ATP6V1H: variants seen among roughly 807,000 people sequenced by gnomAD.
ATP6V1H encodes V-type proton ATPase subunit H.
In ATP6V1H, 39 loss-of-function variants were observed where a neutral mutation model predicts 71.7. That is an observed-to-expected ratio of 0.54 (90% CI 0.42 to 0.71). The LOEUF (loss-of-function observed/expected upper bound fraction) is 0.71. Among genes scored for constraint, ATP6V1H ranks in the 30% least tolerant of loss-of-function variants. The probability of loss-of-function intolerance (pLI) is 0.00; values close to 1 mark genes in which losing one functional copy is unlikely to be tolerated. For missense variants in ATP6V1H, 509 were observed against 594.9 expected, an observed-to-expected ratio of 0.86 and a Z score of 1.50; for synonymous variants, 192 against 199.3, an observed-to-expected ratio of 0.96 and a Z score of 0.31.
At chr8:53,779,855 AC>A (rs1809038084) in intron 9 of ATP6V1H, among the ~76,000 whole-genome samples, 1 of 152,108 alleles carries the variant, frequency 6.6e-6, no homozygotes, top group South Asian at 2.1e-4. Context: ...AGAGAATTAA[AC>A]TCCATCTTTA....
chr8:53,740,107 T>C (rs553610633), intron 13 of ATP6V1H, among the ~76,000 whole-genome samples: 1 of 152,344 alleles, frequency 6.6e-6, no homozygotes, highest in African/African-American at 2.4e-5. Context: ...CCATACTCCA[T>C]ATGATATAAA....
At chr8:53,782,297 G>A (rs540841162) in intron 9 of ATP6V1H, among the ~76,000 whole-genome samples, 332 of 151,838 alleles carry the variant, frequency 2.2e-3, no homozygotes, top group African/African-American at 7.6e-3. Flanking sequence ...TATTCTCTTT[G>A]AAGCAATTGT....
Position 53,777,387 on chromosome 8 carries a change from C to G in ATP6V1H, c.871-5220G>C, listed in dbSNP as rs568452392. On this transcript the variant is annotated intron_variant, in intron 9 of 13. Coordinates refer to ENST00000359530, the MANE Select transcript of ATP6V1H (RefSeq NM_015941.4). Reference sequence around the variant, plus strand: ...AGGAAAGCTGACTTCTCATCAGAAACGATGGAGATGATTTTGCTGAGAGAG... The same window carrying G: ...AGGAAAGCTGACTTCTCATCAGAAAGGATGGAGATGATTTTGCTGAGAGAG... Among the ~76,000 whole-genome samples, 4 of 150,572 alleles carry G rather than the reference C, an allele frequency of 2.7e-5. No homozygotes were observed. The South Asian group carries it at 8.4e-4, about 32-fold the overall frequency.
intron 2 of ATP6V1H, among the ~76,000 whole-genome samples, chr8:53,836,100 C>T (rs1032780043): frequency 6.6e-6 from 1 of 152,214 alleles, no homozygotes; most frequent in African/African-American, 2.4e-5. Flanking sequence ...GGAAAAAATG[C>T]ACTCTGCACC....
intron 13 of ATP6V1H, among the ~76,000 whole-genome samples, chr8:53,733,343 G>T (rs1807092027): frequency 6.6e-6 from 1 of 152,170 alleles, no homozygotes; most frequent in African/African-American, 2.4e-5. Flanking sequence ...TTCCCCAAAG[G>T]TTCAAGAACT....
rs777865482 is a variant in ATP6V1H at position 53,829,434 on chromosome 8, A to G, written c.306+10T>C. 4 of 1,585,912 alleles carry G rather than the reference A, an allele frequency of 2.5e-6. No homozygotes were observed. The highest frequency in any genetic ancestry group is 1.1e-5 in the South Asian group (1 of 88,542). ...AGTCACCAAATGTGTTAAGTAAAGA[A>G]TATACCTACCTGCAGCATATCATCC... On this transcript the variant is annotated intron_variant, in intron 4 of 13. Coordinates refer to ENST00000359530, the MANE Select transcript of ATP6V1H (RefSeq NM_015941.4).
rs138684653 is a variant in ATP6V1H, at chr8:53,799,601, T to C, written c.677+2198A>G. ...TTCCTAAATTGATCAAACTAAACCA[T>C]TTGTACAAACATGTGGCTTATGCTG... On this transcript the variant is annotated intron_variant, in intron 8 of 13. Coordinates refer to ENST00000359530, the MANE Select transcript of ATP6V1H (RefSeq NM_015941.4). 2.2e-3 allele frequency among the ~76,000 whole-genome samples: 338 copies of C among 152,142 alleles called. 2 individuals carry two copies. Among genetic ancestry groups the C allele is most frequent in the African/African-American group, 7.9e-3 (327 of 41,548 alleles).
chr8:53,747,466 C>G (rs994305499), intron 12 of ATP6V1H, among the ~76,000 whole-genome samples: 9 of 151,234 alleles, frequency 6.0e-5, no homozygotes, highest in African/African-American at 2.2e-4. Context: ...GAAGCTCACT[C>G]TTCTCACTCT....
intron 9 of ATP6V1H, among the ~76,000 whole-genome samples, chr8:53,775,346 G>A (rs559463670): frequency 1.3e-5 from 2 of 152,246 alleles, no homozygotes; most frequent in East Asian, 1.9e-4. Flanking sequence ...AGCTCCCACA[G>A]TGTGGAAGGG....
chr8:53,747,875 G>A (rs563867194), intron 12 of ATP6V1H, among the ~76,000 whole-genome samples: 20 of 151,024 alleles, frequency 1.3e-4, no homozygotes, highest in Non-Finnish European at 2.8e-4. Context: ...GGTGGGAGAG[G>A]CCAGGCTCTG....
intron 4 of ATP6V1H, among the ~76,000 whole-genome samples, chr8:53,825,097 G>T (rs982215489): frequency 3.3e-5 from 5 of 152,130 alleles, no homozygotes; most frequent in Admixed American, 3.3e-4. Flanking sequence ...CAACACTCCT[G>T]AAGACGCAGA....
rs143846955 is a variant in ATP6V1H at position 53,716,770 on chromosome 8, A to C, written c.1392-746T>G. Among the ~76,000 whole-genome samples, 347 of 152,378 alleles carry C rather than the reference A, an allele frequency of 2.3e-3. 2 individuals carry two copies. Among genetic ancestry groups the C allele is most frequent in the African/African-American group, 8.1e-3 (336 of 41,598 alleles). On this transcript the variant is annotated intron_variant, in intron 13 of 13. Transcript: ENST00000359530. Reference sequence around the variant, plus strand: ...CCACAGTATGTGCATATTTAGCTCTAAAGTACATACAGACACCACTGTGAA... The same window carrying C: ...CCACAGTATGTGCATATTTAGCTCTCAAGTACATACAGACACCACTGTGAA...
In ATP6V1H at chr8:53,774,590, G is replaced by A. The variant is rs184647454; in HGVS notation, c.871-2423C>T. Among the ~76,000 whole-genome samples the A allele has an allele frequency of 7.9e-5, 12 of 152,194 alleles. 1 individual carries two copies. Among genetic ancestry groups the A allele is most frequent in the Admixed American group, 5.9e-4 (9 of 15,288 alleles). ...ACTCCACTTCCAGGAATGATAAAGT[G>A]GCTTCTATCAGATCAACCCTTCCAC... On this transcript the variant is annotated intron_variant, in intron 9 of 13. Transcript: ENST00000359530.
chr8:53,805,403 A>G (rs1430031593), intron 7 of ATP6V1H, among the ~76,000 whole-genome samples: 1 of 152,238 alleles, frequency 6.6e-6, no homozygotes, highest in African/African-American at 2.4e-5. Flanking sequence ...AAAGTAATTA[A>G]TATGTTTCAT....
At chr8:53,827,430 G>A (rs868120640) in intron 4 of ATP6V1H, among the ~76,000 whole-genome samples, 2 of 151,926 alleles carry the variant, frequency 1.3e-5, no homozygotes, top group Admixed American at 6.6e-5. Flanking sequence ...GCACAAGGAT[G>A]AGGAAAAAAC....
At chr8:53,763,438 T>C (rs1224514527) in intron 11 of ATP6V1H, among the ~76,000 whole-genome samples, 3 of 152,216 alleles carry the variant, frequency 2.0e-5, no homozygotes, top group Non-Finnish European at 4.4e-5. Flanking sequence ...AGAAATTAAA[T>C]ACGATGTAAA....
chr8:53,757,311 C>T (rs141204533), intron 11 of ATP6V1H, among the ~76,000 whole-genome samples: 3 of 152,314 alleles, frequency 2.0e-5, no homozygotes, highest in African/African-American at 7.2e-5. Context: ...GCCCCGGCTT[C>T]TGCTACCCTC....
Position 53,769,187 on chromosome 8 carries a change from C to T in ATP6V1H, c.1175+431G>A, listed in dbSNP as rs376737103. On this transcript the variant is annotated intron_variant, in intron 11 of 13. Transcript: ENST00000359530. ...ATATCACATAAAGACATCTTCATGA[C>T]CTTGAGTAGGCAAAAACTTCTTAAC... 1.4e-4 allele frequency among the ~76,000 whole-genome samples: 22 copies of T among 152,212 alleles called. No homozygotes were observed. The South Asian group carries it at 4.1e-3, about 29-fold the overall frequency.
chr8:53,770,355 T>C (rs536163560), intron 10 of ATP6V1H, among the ~76,000 whole-genome samples: 1 of 152,310 alleles, frequency 6.6e-6, no homozygotes, highest in South Asian at 2.1e-4. Flanking sequence ...ATTCACTGGA[T>C]AGTAACTTGA....
Sources: allele counts gnomAD v4.1 joint callset (sites outside exome capture counted in the v4.1 genomes callset), GRCh38; gene constraint gnomAD v4.1.1; transcripts MANE v1.5; gene names NCBI Gene and HGNC (gene_info 2026-07-23, HGNC 2026-07-21).